Variants in SOS2 observed in about 807,000 individuals in gnomAD.
SOS2 encodes the protein SOS Ras/Rho guanine nucleotide exchange factor 2.
A neutral mutation model predicts 148.2 loss-of-function variants in SOS2; 65 were observed. The observed-to-expected ratio is 0.44, with a 90% CI of 0.36 to 0.54. SOS2 has a LOEUF of 0.54. Among genes scored for constraint, SOS2 ranks in the 20% least tolerant of loss-of-function variants. The pLI is 0.00. For synonymous variants in SOS2, 539 were observed against 537.1 expected (o/e 1.00, Z -0.05); for missense variants, 1,341 against 1,590.2 (o/e 0.84, Z 2.67).
intron 5 of SOS2, 26 bp downstream of exon 5, chr14:50,188,471 A>C (rs1444962389): frequency 6.7e-7 from 1 of 1,500,148 alleles, no homozygotes. Flanking sequence ...GGGTACACAG[A>C]ATTTCAAACC....
At chr14:50,140,629 T>A (rs1243611720) in intron 16 of SOS2, among the ~76,000 whole-genome samples, 1 of 152,140 alleles carries the variant, frequency 6.6e-6, no homozygotes, top group African/African-American at 2.4e-5. Context: ...TCAATTTCCT[T>A]TAAATCAAGG....
intron 8 of SOS2, among the ~76,000 whole-genome samples, chr14:50,166,283 C>T (rs1213360048): frequency 6.6e-6 from 1 of 152,098 alleles, no homozygotes; most frequent in Non-Finnish European, 1.5e-5. Flanking sequence ...AATGCAGTGG[C>T]ACGATCTCGG....
intron 3 of SOS2, among the ~76,000 whole-genome samples, chr14:50,200,255 C>G (rs984453971): frequency 2.6e-5 from 4 of 151,784 alleles, no homozygotes; most frequent in Admixed American, 6.6e-5. Flanking sequence ...ATGGAAGTGT[C>G]TGTGTGTGTG....
intron 4 of SOS2, among the ~76,000 whole-genome samples, chr14:50,190,887 A>G (rs1047689451): frequency 2.0e-5 from 3 of 152,162 alleles, no homozygotes; most frequent in African/African-American, 4.8e-5. Context: ...GAATTTGGTG[A>G]TGAACTCTGA....
In SOS2 at chr14:50,137,165, A is replaced by G. The variant is rs558311620; in HGVS notation, c.2958+1447T>C. 5.9e-5 allele frequency among the ~76,000 whole-genome samples: 9 copies of G among 152,272 alleles called. 1 individual carries two copies. Among genetic ancestry groups the G allele is most frequent in the African/African-American group, 2.2e-4 (9 of 41,520 alleles). ...AATAACATTCATTTAGCATAAACAT[A>G]ATATCATAGTTTAATTTAGAAGGTT... On this transcript the variant is annotated intron_variant, in intron 18 of 22. Coordinates refer to ENST00000216373, the MANE Select transcript of SOS2 (RefSeq NM_006939.4).
intron 2 of SOS2, among the ~76,000 whole-genome samples, chr14:50,201,346 C>T (rs1345416034): frequency 1.3e-5 from 2 of 151,888 alleles, no homozygotes; most frequent in Non-Finnish European, 2.9e-5. Flanking sequence ...AGCCAGGCAA[C>T]ACGGTGAAAC....
At chr14:50,231,640 C>G (rs1566491237), upstream of SOS2, 1 of 159,922 alleles carries the variant, frequency 6.3e-6, no homozygotes, top group Non-Finnish European at 1.4e-5. Context: ...TGGCCCAGCC[C>G]CGCCCCGACT....
At chr14:50,227,230 TTTTTC>T in intron 1 of SOS2, among the ~76,000 whole-genome samples, 1 of 127,798 alleles carries the variant, frequency 7.8e-6, no homozygotes, top group East Asian at 2.7e-4. Context: ...TCTGTGTTTC[TTTTTC>T]TTTCTTTCTT....
intron 1 of SOS2, among the ~76,000 whole-genome samples, chr14:50,205,214 C>T (rs1385294167): frequency 1.3e-5 from 2 of 151,838 alleles, no homozygotes; most frequent in African/African-American, 4.8e-5. Flanking sequence ...CATGACCTGG[C>T]TAATTTTTAA....
chr14:50,199,865 GAATA>G lies in SOS2; in HGVS notation c.346-14_346-11del, dbSNP rs1420528908. 2 of 1,525,630 alleles carry G rather than the reference GAATA, an allele frequency of 1.3e-6. No individual in the cohort carries two copies. The highest frequency in any genetic ancestry group is 1.8e-6 in the Non-Finnish European group (2 of 1,124,802). The allele number at this position is 1,525,630 out of a possible 1,614,324, so 94.5% of individuals were successfully genotyped here. A position where few individuals can be genotyped will look rare whatever the true frequency, so the allele number is the denominator to read the frequency against. ...TGTACCCTAATACTTCCTGTGAAAA[GAATA>G]AATAATTTAATTGCAAAATGTAGCA... On this transcript the variant is annotated splice_polypyrimidine_tract_variant and intron_variant, in intron 3 of 22. Transcript: ENST00000216373.
At position 50,224,452 on chromosome 14, in the gene SOS2, AT is replaced by A. The variant is rs1887303982; in HGVS notation, c.87+6744del. Among the ~76,000 whole-genome samples, 6 of 152,082 alleles carry A rather than the reference AT, an allele frequency of 3.9e-5. No individual in the cohort carries two copies. The South Asian group carries it at 1.2e-3, about 31-fold the overall frequency. ...CAAGGGAAGGGAAACTAGAAGGAAT[AT>A]TCAGAGAAAAAAAATCCCTGAAAGC... On this transcript the variant is annotated intron_variant, in intron 1 of 22. Coordinates refer to ENST00000216373, the MANE Select transcript of SOS2 (RefSeq NM_006939.4).
intron 3 of SOS2, among the ~76,000 whole-genome samples, chr14:50,200,449 G>A (rs1362040749): frequency 1.3e-5 from 2 of 152,072 alleles, no homozygotes; most frequent in Non-Finnish European, 2.9e-5. Flanking sequence ...TGAACTCACA[G>A]TAGCTTCTGA....
At chr14:50,226,792 G>C (rs1045828603) in intron 1 of SOS2, among the ~76,000 whole-genome samples, 1 of 152,190 alleles carries the variant, frequency 6.6e-6, no homozygotes, top group African/African-American at 2.4e-5. Context: ...ATCAGGGACT[G>C]TAAAATCTGA....
Position 50,207,887 on chromosome 14 carries a change from C to T in SOS2, c.88-3478G>A, listed in dbSNP as rs369147283. On this transcript the variant is annotated intron_variant, in intron 1 of 22. Coordinates refer to ENST00000216373, the MANE Select transcript of SOS2 (RefSeq NM_006939.4). ...CTGCAATCCAGCCTGGATGACTGAG[C>T]GAGACTCCATCTCAAAAAAAAAAAA... Among the ~76,000 whole-genome samples the T allele has an allele frequency of 1.3e-4, 19 of 140,774 alleles. No homozygotes were observed. The East Asian group carries it at 3.3e-3, about 24-fold the overall frequency. 92.4% of individuals were successfully genotyped at this position (140,774 alleles called of 152,430 possible). A position where few individuals can be genotyped will look rare whatever the true frequency, so the allele number is the denominator to read the frequency against.
At chr14:50,150,376 C>T (rs1031272999) in intron 13 of SOS2, 146 bp from the exon 14 acceptor site, 11 of 632,600 alleles carry the variant, frequency 1.7e-5, no homozygotes, top group Middle Eastern at 4.3e-4. Flanking sequence ...CATGCCATCC[C>T]GTCACTTCCT....
intron 6 of SOS2, among the ~76,000 whole-genome samples, chr14:50,182,125 T>C (rs528608902): frequency 3.3e-5 from 5 of 151,162 alleles, no homozygotes; most frequent in African/African-American, 7.2e-5. Flanking sequence ...GATTTTAGTT[T>C]GTTATCAGTT....
intron 12 of SOS2, among the ~76,000 whole-genome samples, chr14:50,154,748 T>C (rs1884761997): frequency 6.6e-6 from 1 of 152,056 alleles, no homozygotes; most frequent in Non-Finnish European, 1.5e-5. Flanking sequence ...GTAAAACTAA[T>C]CTATGGAGGG....
chr14:50,173,408 T>G (rs992965418), intron 8 of SOS2, among the ~76,000 whole-genome samples: 1 of 152,158 alleles, frequency 6.6e-6, no homozygotes, highest in Non-Finnish European at 1.5e-5. Context: ...CATTTGATGC[T>G]GGAGGTAGCC....
chr14:50,138,052 G>C (rs1884141863), intron 18 of SOS2, among the ~76,000 whole-genome samples: 1 of 151,828 alleles, frequency 6.6e-6, no homozygotes, highest in Non-Finnish European at 1.5e-5. Context: ...TGTTGGTCAG[G>C]CTGGTCTCAA....
Sources: gnomAD v4.1 joint callset for allele counts (sites outside exome capture counted in the v4.1 genomes callset) on GRCh38, gnomAD v4.1.1 for gene constraint, MANE v1.5 for transcripts, NCBI Gene and HGNC (gene_info 2026-07-23, HGNC 2026-07-21) for gene names.